OSBPL1A: variants seen among roughly 807,000 people sequenced by gnomAD.
OSBPL1A encodes oxysterol-binding protein-related protein 1.
Under a neutral mutation model 137.1 loss-of-function variants are expected in OSBPL1A, and 80 were observed. The ratio of observed to expected loss-of-function variants is 0.58; its 90% confidence interval spans 0.49 to 0.70. The LOEUF (loss-of-function observed/expected upper bound fraction) is 0.70. Among genes scored for constraint, OSBPL1A ranks in the 30% least tolerant of loss-of-function variants. OSBPL1A has a pLI of 0.00. For missense variants in OSBPL1A, 970 were observed against 1,129.4 expected (o/e 0.86, Z 2.02); for synonymous variants, 365 against 389.7 (o/e 0.94, Z 0.75).
Position 24,303,367 on chromosome 18 carries a change from C to T in OSBPL1A, c.1174+270G>A, listed in dbSNP as rs145890507. 2.8e-3 allele frequency among the ~76,000 whole-genome samples: 421 copies of T among 152,254 alleles called. 3 individuals are homozygous for T. The highest frequency in any genetic ancestry group is 9.6e-3 in the African/African-American group (400 of 41,540). The stretch of plus-strand genomic sequence containing the variant: ...GGATTCATAAGCAGAATTCTCATTC[C>T]GCAGCCAAAATTAATTTACAGGCCA... On this transcript the variant is annotated intron_variant, in intron 14 of 27. Transcript: ENST00000319481.
At chr18:24,169,193 A>G (rs1181904143) in intron 24 of OSBPL1A, among the ~76,000 whole-genome samples, 5 of 152,254 alleles carry the variant, frequency 3.3e-5, no homozygotes, top group Non-Finnish European at 5.9e-5. Flanking sequence ...TCCCAGCCAC[A>G]GGAAAGCAGA....
At chr18:24,331,460 G>A (rs1375624562) in intron 7 of OSBPL1A, among the ~76,000 whole-genome samples, 4 of 148,348 alleles carry the variant, frequency 2.7e-5, no homozygotes, top group Admixed American at 1.3e-4. Flanking sequence ...GCAGTGGCGC[G>A]ATCTCGGCTC....
At chr18:24,353,425 C>T (rs2091478574) in intron 4 of OSBPL1A, among the ~76,000 whole-genome samples, 1 of 152,044 alleles carries the variant, frequency 6.6e-6, no homozygotes. Flanking sequence ...ACAACAGGTG[C>T]TGGAGAGGAT....
At chr18:24,194,242 T>A (rs2086966168) in intron 18 of OSBPL1A, among the ~76,000 whole-genome samples, 1 of 152,242 alleles carries the variant, frequency 6.6e-6, no homozygotes, top group South Asian at 2.1e-4. Flanking sequence ...GTACAAATTC[T>A]ATAGTAACTC....
Position 24,271,449 on chromosome 18 carries a change from C to A in OSBPL1A, c.1281+9393G>T. 1.5e-6 allele frequency: 1 copy of A among 645,684 alleles called. No homozygotes were observed. The highest frequency in any genetic ancestry group is 2.0e-5 in the African/African-American group (1 of 50,772). 40.0% of individuals were successfully genotyped at this position (645,684 alleles called of 1,614,324 possible). On this transcript the variant is annotated intron_variant, in intron 15 of 27. Coordinates refer to ENST00000319481, the MANE Select transcript of OSBPL1A (RefSeq NM_080597.4). This position sits in a 1 kb window ranked among gnomAD's most constrained non-coding sequence, Gnocchi z 4.0. ...AGCAGGGTCTCCCGGCTGGTGCGCC[C>A]CTCCCCACGCGCCCGCGGCTGCACC...
At chr18:24,236,178 C>A (rs1315348612) in intron 16 of OSBPL1A, among the ~76,000 whole-genome samples, 1 of 152,164 alleles carries the variant, frequency 6.6e-6, no homozygotes, top group African/African-American at 2.4e-5. Context: ...TGATCTATTG[C>A]AGTAGCAATA....
At chr18:24,357,314 G>C (rs1282974911) in intron 4 of OSBPL1A, 1 of 152,122 alleles carries the variant, frequency 6.6e-6, no homozygotes, top group African/African-American at 2.4e-5. Context: ...CCATGAATCT[G>C]CATGTTTTTA....
At chr18:24,310,722 C>T (rs1268595908) in intron 13 of OSBPL1A, among the ~76,000 whole-genome samples, 1 of 136,094 alleles carries the variant, frequency 7.3e-6, no homozygotes, top group African/African-American at 2.6e-5. Flanking sequence ...TATCATAATC[C>T]TAGGAAAGAT....
intron 14 of OSBPL1A, among the ~76,000 whole-genome samples, chr18:24,299,776 T>C (rs939389610): frequency 6.6e-6 from 1 of 152,214 alleles, no homozygotes; most frequent in Non-Finnish European, 1.5e-5. Context: ...ACTATACACA[T>C]TTAGTAACAT....
At chr18:24,217,243 G>A (rs1389817416) in intron 17 of OSBPL1A, among the ~76,000 whole-genome samples, 1 of 149,928 alleles carries the variant, frequency 6.7e-6, no homozygotes, top group East Asian at 2.0e-4. Flanking sequence ...TTTATTTTTT[G>A]AGACAAGTTT....
At chr18:24,331,402 T>C (rs1195835051) in intron 7 of OSBPL1A, among the ~76,000 whole-genome samples, 1 of 149,548 alleles carries the variant, frequency 6.7e-6, no homozygotes, top group African/African-American at 2.5e-5. Flanking sequence ...TTCCTCTTTT[T>C]TTTTTTTTTT....
chr18:24,209,383 A>G (rs4800563), intron 17 of OSBPL1A, among the ~76,000 whole-genome samples: 60,694 of 152,120 alleles, frequency 0.4, 12,543 homozygotes, highest in Middle Eastern at 0.54. Flanking sequence ...TCATACCTAC[A>G]AAACATCAAA....
intron 15 of OSBPL1A, among the ~76,000 whole-genome samples, chr18:24,264,054 A>G (rs2089507923): frequency 6.6e-6 from 1 of 152,232 alleles, no homozygotes; most frequent in Non-Finnish European, 1.5e-5. Flanking sequence ...AATTCACAAG[A>G]GAATGTTGGA....
chr18:24,312,316 AT>A (rs1228282072), intron 12 of OSBPL1A, among the ~76,000 whole-genome samples: 1 of 152,248 alleles, frequency 6.6e-6, no homozygotes, highest in Admixed American at 6.5e-5. Context: ...ACTTTAAAAA[AT>A]ATCATCTATA....
chr18:24,392,104 C>T lies in OSBPL1A; in HGVS notation c.-3+5551G>A, dbSNP rs148823227. 6.3e-3 allele frequency among the ~76,000 whole-genome samples: 954 copies of T among 152,272 alleles called. 11 individuals are homozygous for T. Among genetic ancestry groups the T allele is most frequent in the African/African-American group, 0.021 (879 of 41,546 alleles). ...CTCCTAGGTTCAAGCGATCTGTCCA[C>T]CTCAGCCTCCCAAAGTGCTGGGATT... On this transcript the variant is annotated intron_variant, in intron 1 of 27. Transcript: ENST00000319481.
chr18:24,365,112 A>G (rs2091684878), intron 4 of OSBPL1A, among the ~76,000 whole-genome samples: 1 of 152,178 alleles, frequency 6.6e-6, no homozygotes, highest in Non-Finnish European at 1.5e-5. Context: ...ATACAATGCA[A>G]AAAGATAGTC....
chr18:24,389,923 C>CAA (rs1907204363), intron 1 of OSBPL1A, among the ~76,000 whole-genome samples: 1 of 151,952 alleles, frequency 6.6e-6, no homozygotes, highest in South Asian at 2.1e-4. Flanking sequence ...GCCTGGGTGA[C>CAA]AGAGTGAGAC....
Position 24,314,100 on chromosome 18 carries a change from G to A in OSBPL1A, c.969+149C>T, listed in dbSNP as rs2090674802. The A allele has an allele frequency of 5.9e-6, 3 of 505,458 alleles. No individual in the cohort carries two copies. The Admixed American group carries it at 1.2e-4, about 20-fold the overall frequency. 31.3% of individuals were successfully genotyped at this position (505,458 alleles called of 1,614,324 possible). ...AGCTTGGGCTACAGAGTGAGACTCT[G>A]TCTCAAAAACATAAATAAATAAAAA... is the stretch of plus-strand genomic sequence containing the variant. On this transcript the variant is annotated intron_variant, in intron 12 of 27. Coordinates refer to ENST00000319481, the MANE Select transcript of OSBPL1A (RefSeq NM_080597.4).
At chr18:24,182,226 C>T (rs779379401) in intron 18 of OSBPL1A, among the ~76,000 whole-genome samples, 6 of 152,150 alleles carry the variant, frequency 3.9e-5, no homozygotes, top group Non-Finnish European at 7.3e-5. Context: ...CCATCACAAG[C>T]GACTCTCAAA....
Sources: gnomAD v4.1 joint callset for allele counts (sites outside exome capture counted in the v4.1 genomes callset) on GRCh38, gnomAD v4.1.1 for gene constraint, Gnocchi (gnomAD v3.1) non-coding constraint, MANE v1.5 for transcripts, NCBI Gene and HGNC (gene_info 2026-07-23, HGNC 2026-07-21) for gene names.